The following EIF2AK4 variants were observed in gnomAD, a reference collection of about 807,000 sequenced individuals.
The protein encoded by EIF2AK4 is eIF-2-alpha kinase GCN2.
In EIF2AK4, 139 loss-of-function variants were observed where a neutral mutation model predicts 211.1. That is an observed-to-expected ratio of 0.66 (90% CI 0.57 to 0.76). EIF2AK4 has a LOEUF of 0.76. Ranked by LOEUF, EIF2AK4 falls within the 30% of genes least tolerant of loss-of-function variation. The pLI is 0.00. For missense variants in EIF2AK4, 1,664 were observed against 2,043.8 expected (o/e 0.81, Z 3.58); for synonymous variants, 710 against 751.3 (o/e 0.94, Z 0.90).
intron 15 of EIF2AK4, 59 bp downstream of exon 15, chr15:39,988,164 T>C (rs2034892495): frequency 1.3e-6 from 2 of 1,579,292 alleles, no homozygotes; most frequent in Admixed American, 1.7e-5. Context: ...TATGACTGCA[T>C]AAAAATATCA....
chr15:39,959,394 T>C (rs16970049), intron 6 of EIF2AK4, among the ~76,000 whole-genome samples: 9,436 of 152,310 alleles, frequency 0.062, 494 homozygotes, highest in East Asian at 0.29. Flanking sequence ...TTCCTTCTTT[T>C]CAAACTCTGT....
Position 40,007,025 on chromosome 15 carries a change from G to A in EIF2AK4, c.3367G>A (p.Ala1123Thr), listed in dbSNP as rs1434180925. 8 of 1,598,162 alleles carry A rather than the reference G, an allele frequency of 5.0e-6. No individual in the cohort carries two copies. In the South Asian group the frequency reaches 6.7e-5, roughly 13 times the overall value. The change falls in exon 24 of 39, where the codon GCA becomes ACA. Residue 1123 changes from alanine (A) to threonine (T), a missense_variant. By Grantham distance (58) the Ala-to-Thr change is moderately conservative. Coordinates refer to ENST00000263791, the MANE Select transcript of EIF2AK4 (RefSeq NM_001013703.4). ...MLPFDLRIPF[A>T]RYVARNNILN... ...TTTGTTTATTTTTCAGATCCCTTTT[G>A]CAAGATATGTGGCAAGAAATAATAT... is the stretch of plus-strand genomic sequence containing the variant.
chr15:40,009,485 A>G (rs1389852953), intron 25 of EIF2AK4, 129 bp from the exon 26 acceptor site: 4 of 603,944 alleles, frequency 6.6e-6, no homozygotes, highest in Non-Finnish European at 1.2e-5. Flanking sequence ...AAAATAAACT[A>G]GGAAGCCATA....
At chr15:39,993,974 A>G (rs990078429) in intron 18 of EIF2AK4, among the ~76,000 whole-genome samples, 3 of 152,118 alleles carry the variant, frequency 2.0e-5, no homozygotes, top group Non-Finnish European at 2.9e-5. Flanking sequence ...CAACGGAAGG[A>G]ATGTTGGATG....
In EIF2AK4 at chr15:39,961,853, T is replaced by C. The variant is rs767265344; in HGVS notation, c.813T>C (p.Asn271=). 22 of 1,614,062 alleles carry C rather than the reference T, an allele frequency of 1.4e-5. No homozygotes were observed. In the South Asian group the frequency reaches 2.4e-4, roughly 18 times the overall value. ...GCTCTTGTGAAATTCTGTATTTCAA[T>C]ATGGGGAGTCCTGATCAGCTCATGG... ...SPGSCEILYF[N]MGSPDQLMVH... is the part of the protein sequence containing the mutation. Residue 271 remains asparagine, a synonymous_variant, in exon 7 of 39, where the codon AAT becomes AAC. Coordinates refer to ENST00000263791, the MANE Select transcript of EIF2AK4 (RefSeq NM_001013703.4).
rs1485389991 is a variant in EIF2AK4, at chr15:39,967,739, G to A, written c.1413G>A (p.Leu471=). 5.6e-6 allele frequency: 9 copies of A among 1,614,060 alleles called. No individual in the cohort carries two copies. Among genetic ancestry groups the A allele is most frequent in the Non-Finnish European group, 7.6e-6 (9 of 1,180,040 alleles). Residue 471 remains leucine (L), a synonymous_variant, in exon 9 of 39, where the codon CTG becomes CTA. Transcript: ENST00000263791. ...QTRVRFSDNA[L]PYKTGKKGDV... is the part of the protein sequence containing the mutation. ...GAGTTCGTTTTAGTGACAATGCTCT[G>A]CCTTATAAAACGGGGAAGAAAGGAG...
At position 39,962,008 on chromosome 15, in the gene EIF2AK4, A is replaced by G. The variant is rs73386680; in HGVS notation, c.859+109A>G. 1,461 of 744,132 alleles carry G rather than the reference A, an allele frequency of 2.0e-3. 16 individuals carry two copies. In the African/African-American group the frequency reaches 0.023, roughly 12 times the overall value. The allele number at this position is 744,132 out of a possible 1,614,324, so 46.1% of individuals were successfully genotyped here. On this transcript the variant is annotated intron_variant, in intron 7 of 38. Transcript: ENST00000263791. ...CATTCAGACCAGTGCAGTCCAAGGA[A>G]GACCATCAAGCTGGTAGTCATTCTG...
At chr15:40,034,510 G>A in intron 38 of EIF2AK4, 66 bp downstream of exon 38, 1 of 1,274,576 alleles carries the variant, frequency 7.8e-7, no homozygotes, top group Non-Finnish European at 1.1e-6. Flanking sequence ...GTTTCAGAGT[G>A]ACATTATTTT....
intron 14 of EIF2AK4, among the ~76,000 whole-genome samples, chr15:39,986,440 GC>G (rs2034866334): frequency 6.6e-6 from 1 of 152,254 alleles, no homozygotes; most frequent in Admixed American, 6.5e-5. Flanking sequence ...GGAGACCAGT[GC>G]ACAGGCAAGC....
At chr15:40,020,770 C>A in intron 30 of EIF2AK4, 129 bp from the exon 31 acceptor site, 1 of 695,112 alleles carries the variant, frequency 1.4e-6, no homozygotes, top group Non-Finnish European at 2.2e-6. Flanking sequence ...CTTTGGCACG[C>A]TGTGTTTCTA....
chr15:39,982,030 T>C lies in EIF2AK4; in HGVS notation c.2320-3775T>C, dbSNP rs537421392. ...AGCTCCGCCTCCTGGGTTCACGCCA[T>C]TCTCCTGCCTCAGCCTCCCGAGTAG... On this transcript the variant is annotated intron_variant, in intron 13 of 38. Coordinates refer to ENST00000263791, the MANE Select transcript of EIF2AK4 (RefSeq NM_001013703.4). Among the ~76,000 whole-genome samples the C allele has an allele frequency of 4.0e-5, 6 of 150,196 alleles. No homozygotes were observed. The South Asian group carries it at 1.3e-3, about 32-fold the overall frequency.
chr15:39,934,604 C>T (rs1016998842), intron 1 of EIF2AK4, among the ~76,000 whole-genome samples: 1 of 152,238 alleles, frequency 6.6e-6, no homozygotes, highest in Non-Finnish European at 1.5e-5. Context: ...GGCACTGCTT[C>T]TTATTCCTGC....
At chr15:40,008,855 C>T (rs888874555) in intron 25 of EIF2AK4, among the ~76,000 whole-genome samples, 1 of 152,154 alleles carries the variant, frequency 6.6e-6, no homozygotes, top group Non-Finnish European at 1.5e-5. Flanking sequence ...GCAGAGCCTA[C>T]GAGTCCGCTT....
intron 2 of EIF2AK4, among the ~76,000 whole-genome samples, chr15:39,942,975 C>A (rs955320577): frequency 1.3e-5 from 2 of 151,730 alleles, no homozygotes; most frequent in South Asian, 4.1e-4. Context: ...AATTACCATA[C>A]AAAGGAGCAC....
In EIF2AK4 at chr15:39,967,783, T is replaced by C; in HGVS notation, c.1457T>C (p.Leu486Pro). The C allele has an allele frequency of 6.2e-7, 1 of 1,614,214 alleles. No individual in the cohort carries two copies. The highest frequency in any genetic ancestry group is 8.5e-7 in the Non-Finnish European group (1 of 1,180,036). ...AAAGGAGATGTTTGGCGTCTTGGCC[T>C]TCTGCTGCTGTCCCTCAGCCAAGGA... ...GKKGDVWRLGLLLLSLSQGQE... is the reference protein window; with the variant it reads ...GKKGDVWRLGPLLLSLSQGQE... The change falls in exon 9 of 39, where the codon CTT (leucine) becomes CCT (proline). Residue 486 changes from leucine to proline, a missense_variant. Physicochemically the swap from Leu to Pro is moderately conservative, Grantham distance 98 (BLOSUM62 -3). Transcript: ENST00000263791.
At chr15:40,033,951 CCA>C (rs2035578125) in intron 37 of EIF2AK4, among the ~76,000 whole-genome samples, 1 of 151,714 alleles carries the variant, frequency 6.6e-6, no homozygotes, top group African/African-American at 2.4e-5. Context: ...TTACTTGAAC[CCA>C]GGAGGTGGAG....
Position 39,953,898 on chromosome 15 carries a change from T to C in EIF2AK4, c.514-6T>C, listed in dbSNP as rs774334001. ...TGGCATTTGATGATGGTTTGATTTA[T>C]TTCAGCAACGTGAAATCCTGCATGA... On this transcript the variant is annotated splice_polypyrimidine_tract_variant and splice_region_variant and intron_variant, in intron 4 of 38. Transcript: ENST00000263791. 3.7e-6 allele frequency: 6 copies of C among 1,611,376 alleles called. No homozygotes were observed. In the South Asian group the frequency reaches 6.6e-5, roughly 18 times the overall value.
At position 39,988,895 on chromosome 15, in the gene EIF2AK4, G is replaced by A. The variant is rs142579886; in HGVS notation, c.2526+790G>A. Among the ~76,000 whole-genome samples the A allele has an allele frequency of 1.9e-3, 288 of 152,278 alleles. 10 individuals are homozygous for A. In the East Asian group the frequency reaches 0.051, roughly 27 times the overall value. On this transcript the variant is annotated intron_variant, in intron 15 of 38. Coordinates refer to ENST00000263791, the MANE Select transcript of EIF2AK4 (RefSeq NM_001013703.4). ...GCACACTTGTAATCCCAGCTACTTG[G>A]GAGGCTGAGGCAGGAGAATCACTTG...
At chr15:39,948,438 T>C (rs1443522221) in intron 3 of EIF2AK4, among the ~76,000 whole-genome samples, 1 of 152,214 alleles carries the variant, frequency 6.6e-6, no homozygotes, top group Admixed American at 6.5e-5. Context: ...TCAACCTAAG[T>C]ATGATTTATG....
Sources: allele counts gnomAD v4.1 joint callset (sites outside exome capture counted in the v4.1 genomes callset), GRCh38; gene constraint gnomAD v4.1.1; transcripts MANE v1.5; gene names NCBI Gene and HGNC (gene_info 2026-07-23, HGNC 2026-07-21).